Variants in DMRTA2 observed in about 807,000 individuals in gnomAD.
DMRTA2 encodes the protein doublesex- and mab-3-related transcription factor A2.
DMRTA2 carries 10 observed loss-of-function variants against 29.7 expected under a neutral mutation model. The ratio of observed to expected loss-of-function variants is 0.34; its 90% confidence interval spans 0.21 to 0.57. The LOEUF (loss-of-function observed/expected upper bound fraction) is 0.57. Among genes scored for constraint, DMRTA2 ranks in the 20% least tolerant of loss-of-function variants. The probability of loss-of-function intolerance (pLI) is 0.87; values close to 1 mark genes in which losing one functional copy is unlikely to be tolerated. For missense variants in DMRTA2, 783 were observed against 812.1 expected, an observed-to-expected ratio of 0.96 and a Z score of 0.44; for synonymous variants, 469 against 402.6, an observed-to-expected ratio of 1.16 and a Z score of -1.97.
chr1:50,421,242 A>G lies in DMRTA2; in HGVS notation c.295T>C (p.Cys99Arg). The G allele has an allele frequency of 6.5e-7, 1 of 1,536,540 alleles. No homozygotes were observed. Among genetic ancestry groups the G allele is most frequent in the Non-Finnish European group, 8.8e-7 (1 of 1,140,954 alleles). The change falls in exon 2 of 3, where the codon TGC becomes CGC. Residue 99 changes from cysteine (C) to arginine (R), a missense_variant. By Grantham distance (180) the Cys-to-Arg change is radical. Coordinates refer to ENST00000404795, the MANE Select transcript of DMRTA2 (RefSeq NM_032110.3). The surrounding 1 kb of genome is among the most constrained non-coding windows in gnomAD (Gnocchi z 8.7). ...CGCTGGCGCTCCGCGATGAGCGTGC[A>G]CTTGGCGCACAGGCAGTCCTTCCAG... is the stretch of plus-strand genomic sequence containing the variant. The part of the protein sequence containing the change: ...CRWKDCLCAK[C>R]TLIAERQRVM...
Position 50,419,222 on chromosome 1 carries a change from G to A in DMRTA2, c.1072C>T (p.Leu358=). ...GCCGCAGGGCCCAGGCCGGCCGCCA[G>A]GCCCCCACGGTGGTGGTTCAGCACC... is the stretch of plus-strand genomic sequence containing the variant. ...EQVLNHHRGG[L]AAGLGPAAPP... The change falls in exon 3 of 3, where the codon CTG becomes TTG. Residue 358 remains leucine (L), a synonymous_variant. Coordinates refer to ENST00000404795, the MANE Select transcript of DMRTA2 (RefSeq NM_032110.3). The surrounding 1 kb of genome is among the most constrained non-coding windows in gnomAD (Gnocchi z 6.1). 6.8e-7 allele frequency: 1 copy of A among 1,470,396 alleles called. No individual in the cohort carries two copies. The highest frequency in any genetic ancestry group is 1.5e-5 in the African/African-American group (1 of 68,320). The allele number at this position is 1,470,396 out of a possible 1,614,324, so 91.1% of individuals were successfully genotyped here. A position where few individuals can be genotyped will look rare whatever the true frequency, so the allele number is the denominator to read the frequency against.
In DMRTA2 at chr1:50,418,979, A is replaced by T; in HGVS notation, c.1315T>A (p.Ser439Thr). 1 of 1,435,850 alleles carries T rather than the reference A, an allele frequency of 7.0e-7. No individual in the cohort carries two copies. The highest frequency in any genetic ancestry group is 1.4e-5 in the South Asian group (1 of 71,026). 88.9% of individuals were successfully genotyped at this position (1,435,850 alleles called of 1,614,324 possible). Residue 439 changes from serine (S) to threonine (T), a missense_variant, in exon 3 of 3, where the codon TCG (serine) becomes ACG (threonine). Ser to Thr is a moderately conservative substitution (Grantham distance 58, BLOSUM62 1). Around this residue, in one of 3 missense-constraint regions of DMRTA2, gnomAD observed 667 missense variants for 624.8 expected, o/e 1.07. Transcript: ENST00000404795. ...LGSLSSRSAF[S>T]PLQPNASHFG... ...TGACTGGCGTTGGGCTGCAGCGGCG[A>T]GAAGGCCGAGCGGCTGCTCAGCGAG...
Position 50,421,051 on chromosome 1 carries a change from G to A in DMRTA2, c.486C>T (p.Ala162=), listed in dbSNP as rs1646034225. ...PAYEVFGSVC[A]ADGGGPGAGA... The stretch of plus-strand genomic sequence containing the variant: ...CCGCTCCAGGTCCCCCGCCGTCGGC[G>A]GCGCACACTGAACCGAAGACCTCGT... The change falls in exon 2 of 3, where the codon GCC becomes GCT. Residue 162 remains alanine, a synonymous_variant. Transcript: ENST00000404795. The surrounding 1 kb of genome is among the most constrained non-coding windows in gnomAD (Gnocchi z 8.7). 2 of 1,512,696 alleles carry A rather than the reference G, an allele frequency of 1.3e-6. No individual in the cohort carries two copies. The highest frequency in any genetic ancestry group is 1.4e-5 in the African/African-American group (1 of 69,330). 93.7% of individuals were successfully genotyped at this position (1,512,696 alleles called of 1,614,324 possible).
Position 50,418,987 on chromosome 1 carries a change from G to A in DMRTA2, c.1307C>T (p.Ser436Leu). 7.0e-7 allele frequency: 1 copy of A among 1,428,802 alleles called. No homozygotes were observed. The highest frequency in any genetic ancestry group is 9.1e-7 in the Non-Finnish European group (1 of 1,096,860). The allele number at this position is 1,428,802 out of a possible 1,614,324, so 88.5% of individuals were successfully genotyped here. Reference sequence around the variant, plus strand: ...GTTGGGCTGCAGCGGCGAGAAGGCCGAGCGGCTGCTCAGCGAGCCCAGCGC... The same window carrying A: ...GTTGGGCTGCAGCGGCGAGAAGGCCAAGCGGCTGCTCAGCGAGCCCAGCGC... Reference protein sequence around the residue: ...PGALGSLSSRSAFSPLQPNAS... With the variant: ...PGALGSLSSRLAFSPLQPNAS... The change falls in exon 3 of 3, where the codon TCG (serine) becomes TTG (leucine). Residue 436 changes from serine to leucine, a missense_variant. Physicochemically the swap from Ser to Leu is moderately radical, Grantham distance 145. Coordinates refer to ENST00000404795, the MANE Select transcript of DMRTA2 (RefSeq NM_032110.3).
chr1:50,422,206 A>G lies in DMRTA2; in HGVS notation c.-8-662T>C, dbSNP rs1646043671. Reference sequence around the variant, plus strand: ...TAGGAAGCAGAGTGAGGACGAGGAAACAACTTGGGCAAAGTTAGGCCCAGT... The same window carrying G: ...TAGGAAGCAGAGTGAGGACGAGGAAGCAACTTGGGCAAAGTTAGGCCCAGT... On this transcript the variant is annotated intron_variant, in intron 1 of 2. Transcript: ENST00000404795. The surrounding 1 kb of genome is among the most constrained non-coding windows in gnomAD (Gnocchi z 5.7). 6.6e-6 allele frequency among the ~76,000 whole-genome samples: 1 copy of G among 152,226 alleles called. No individual in the cohort carries two copies.
In DMRTA2 at chr1:50,421,553, AAAG is replaced by A. The variant is rs1646038967; in HGVS notation, c.-8-12_-8-10del. 3 of 1,242,694 alleles carry A rather than the reference AAAG, an allele frequency of 2.4e-6. No individual in the cohort carries two copies. The East Asian group carries it at 9.6e-5, about 40-fold the overall frequency. 77.0% of individuals were successfully genotyped at this position (1,242,694 alleles called of 1,614,324 possible). ...CAGCTCCATGACAGGACCTGACGGG[AAAG>A]AAGGTGGGAGAGGGGAGAGACCTGG... On this transcript the variant is annotated splice_polypyrimidine_tract_variant and intron_variant, in intron 1 of 2. Coordinates refer to ENST00000404795, the MANE Select transcript of DMRTA2 (RefSeq NM_032110.3). The surrounding 1 kb of genome is among the most constrained non-coding windows in gnomAD (Gnocchi z 8.7).
chr1:50,422,069 C>A lies in DMRTA2; in HGVS notation c.-8-525G>T, dbSNP rs550785986. Among the ~76,000 whole-genome samples the A allele has an allele frequency of 1.1e-4, 16 of 152,278 alleles. No homozygotes were observed. The highest frequency in any genetic ancestry group is 3.6e-4 in the African/African-American group (15 of 41,554). Reference sequence around the variant, plus strand: ...TGAAGAGGAGAGAGATGTGAAGGCGCAGATGTGAAGGCCGGTTGGGCCGGA... The same window carrying A: ...TGAAGAGGAGAGAGATGTGAAGGCGAAGATGTGAAGGCCGGTTGGGCCGGA... On this transcript the variant is annotated intron_variant, in intron 1 of 2. Coordinates refer to ENST00000404795, the MANE Select transcript of DMRTA2 (RefSeq NM_032110.3). The surrounding 1 kb of genome is among the most constrained non-coding windows in gnomAD (Gnocchi z 5.7).
Position 50,422,260 on chromosome 1 carries a change from C to T in DMRTA2, c.-8-716G>A, listed in dbSNP as rs1281742763. Among the ~76,000 whole-genome samples the T allele has an allele frequency of 6.6e-6, 1 of 152,062 alleles. No individual in the cohort carries two copies. The highest frequency in any genetic ancestry group is 6.6e-5 in the Admixed American group (1 of 15,262). On this transcript the variant is annotated intron_variant, in intron 1 of 2. Transcript: ENST00000404795. The surrounding 1 kb of genome is among the most constrained non-coding windows in gnomAD (Gnocchi z 5.7). ...TCTGGGACCCGTAAAAATGTGAGCG[C>T]CAAAAGTTCCACGGTGAGGGCCTCC...
Position 50,419,371 on chromosome 1 carries a change from C to A in DMRTA2, c.923G>T (p.Gly308Val). 6.3e-7 allele frequency: 1 copy of A among 1,596,824 alleles called. No homozygotes were observed. The highest frequency in any genetic ancestry group is 8.5e-7 in the Non-Finnish European group (1 of 1,179,028). The change falls in exon 3 of 3, where the codon GGC becomes GTC. Residue 308 changes from glycine (G) to valine (V), a missense_variant. Transcript: ENST00000404795. This position sits in a 1 kb window ranked among gnomAD's most constrained non-coding sequence, Gnocchi z 6.1. ...EAAPAPGLGG[G>V]SGPRQRTPLD... ...CGGCGTCCGCTGCCGTGGACCCGAG[C>A]CTCCGCCCAGCCCTGGCGCCGGCGC...
rs1646015259 is a variant in DMRTA2 at position 50,419,133 on chromosome 1, G to A, written c.1161C>T (p.Val387=). Residue 387 remains valine, a synonymous_variant, in exon 3 of 3, where the codon GTC becomes GTT. Coordinates refer to ENST00000404795, the MANE Select transcript of DMRTA2 (RefSeq NM_032110.3). The surrounding 1 kb of genome is among the most constrained non-coding windows in gnomAD (Gnocchi z 6.1). ...AAADDAWPSR[V]DAAAAAAAAA... is the part of the protein sequence containing the mutation. ...CGGCGGCGGCGGCGGCGGCGGCGTC[G>A]ACGCGGCTGGGCCACGCGTCGTCTG... 1.6e-6 allele frequency: 2 copies of A among 1,213,704 alleles called. No homozygotes were observed. Among genetic ancestry groups the A allele is most frequent in the Non-Finnish European group, 1.0e-6 (1 of 980,212 alleles). The allele number at this position is 1,213,704 out of a possible 1,614,324, so 75.2% of individuals were successfully genotyped here.
Position 50,418,978 on chromosome 1 carries a change from G to A in DMRTA2, c.1316C>T (p.Ser439Leu). The stretch of plus-strand genomic sequence containing the variant: ...GTGACTGGCGTTGGGCTGCAGCGGC[G>A]AGAAGGCCGAGCGGCTGCTCAGCGA... ...LGSLSSRSAF[S>L]PLQPNASHFG... The change falls in exon 3 of 3, where the codon TCG becomes TTG. Residue 439 changes from serine (S) to leucine (L), a missense_variant. Ser to Leu is a moderately radical substitution (Grantham distance 145, BLOSUM62 -2). Around this residue, in one of 3 missense-constraint regions of DMRTA2, gnomAD observed 667 missense variants for 624.8 expected, o/e 1.07. Transcript: ENST00000404795. 1 of 1,436,054 alleles carries A rather than the reference G, an allele frequency of 7.0e-7. No individual in the cohort carries two copies. Among genetic ancestry groups the A allele is most frequent in the Non-Finnish European group, 9.1e-7 (1 of 1,100,530 alleles). The allele number at this position is 1,436,054 out of a possible 1,614,324, so 89.0% of individuals were successfully genotyped here.
rs764241018 is a variant in DMRTA2, at chr1:50,419,608, G to A, written c.686C>T (p.Ser229Leu). Residue 229 changes from serine (S) to leucine (L), a missense_variant, in exon 3 of 3, where the codon TCG becomes TTG. Physicochemically the swap from Ser to Leu is moderately radical, Grantham distance 145. This residue lies in a region of DMRTA2 where 667 missense variants were observed against 624.8 expected (regional missense o/e 1.07). Coordinates refer to ENST00000404795, the MANE Select transcript of DMRTA2 (RefSeq NM_032110.3). This position sits in a 1 kb window ranked among gnomAD's most constrained non-coding sequence, Gnocchi z 6.1. ...PDGADSGPGT[S>L]SPEVRPGSGS... ...TGAGCCGGGCCGCACCTCTGGGGAC[G>A]ACGTCCCGGGCCCCGAGTCTGCGCC... is the stretch of plus-strand genomic sequence containing the variant. The A allele has an allele frequency of 2.6e-6, 4 of 1,535,618 alleles. No homozygotes were observed. The East Asian group carries it at 7.3e-5, about 28-fold the overall frequency.
At position 50,418,759 on chromosome 1, in the gene DMRTA2, C is replaced by G; in HGVS notation, c.1535G>C (p.Arg512Pro). ...DYAFSDLMRDRSAAAAAAVHK... is the reference protein window; with the variant it reads ...DYAFSDLMRDPSAAAAAAVHK... ...CACCGCCGCAGCAGCGGCGGCCGAG[C>G]GGTCACGCATGAGATCGCTAAAGGC... Residue 512 changes from arginine (R) to proline (P), a missense_variant, in exon 3 of 3, where the codon CGC (arginine) becomes CCC (proline). Arg to Pro is a moderately radical substitution (Grantham distance 103). Coordinates refer to ENST00000404795, the MANE Select transcript of DMRTA2 (RefSeq NM_032110.3). The G allele has an allele frequency of 6.3e-7, 1 of 1,575,520 alleles. No homozygotes were observed. Among genetic ancestry groups the G allele is most frequent in the Non-Finnish European group, 8.6e-7 (1 of 1,164,468 alleles).
chr1:50,419,164 G>C lies in DMRTA2; in HGVS notation c.1130C>G (p.Ala377Gly). The C allele has an allele frequency of 7.8e-7, 1 of 1,275,950 alleles. No homozygotes were observed. The highest frequency in any genetic ancestry group is 9.8e-7 in the Non-Finnish European group (1 of 1,015,950). The allele number at this position is 1,275,950 out of a possible 1,614,324, so 79.0% of individuals were successfully genotyped here. A position where few individuals can be genotyped will look rare whatever the true frequency, so the allele number is the denominator to read the frequency against. ...GCTGGGCCACGCGTCGTCTGCAGCT[G>C]CTGCAGCACCCACGGCGGCCTTATC... is the stretch of plus-strand genomic sequence containing the variant. ...PPDKAAVGAA[A>G]AADDAWPSRV... The change falls in exon 3 of 3, where the codon GCA (alanine) becomes GGA (glycine). Residue 377 changes from alanine to glycine, a missense_variant. By Grantham distance (60) the Ala-to-Gly change is moderately conservative (BLOSUM62 0). Coordinates refer to ENST00000404795, the MANE Select transcript of DMRTA2 (RefSeq NM_032110.3). This position sits in a 1 kb window ranked among gnomAD's most constrained non-coding sequence, Gnocchi z 6.1.
rs1646053871 is a variant in DMRTA2 at position 50,423,422 on chromosome 1, C to G, written c.-315G>C. ...CTGCGCGCAGCCGGGGCCCAGTTGCCCGGCGCTGCCAGACTCTCAATGAGC... is the reference window on the plus strand; with the variant it reads ...CTGCGCGCAGCCGGGGCCCAGTTGCGCGGCGCTGCCAGACTCTCAATGAGC... On this transcript the variant is annotated 5_prime_UTR_variant, in exon 1 of 3. Coordinates refer to ENST00000404795, the MANE Select transcript of DMRTA2 (RefSeq NM_032110.3). 1 of 152,228 alleles carries G rather than the reference C, an allele frequency of 6.6e-6. No homozygotes were observed. The highest frequency in any genetic ancestry group is 1.5e-5 in the Non-Finnish European group (1 of 68,042). 9.4% of individuals were successfully genotyped at this position (152,228 alleles called of 1,614,324 possible).
rs1348513584 is a variant in DMRTA2, at chr1:50,418,422, A to G, written c.*243T>C. The G allele has an allele frequency of 1.1e-5, 4 of 372,058 alleles. No homozygotes were observed. Among genetic ancestry groups the G allele is most frequent in the Non-Finnish European group, 1.4e-5 (3 of 209,762 alleles). 23.0% of individuals were successfully genotyped at this position (372,058 alleles called of 1,614,324 possible). A position where few individuals can be genotyped will look rare whatever the true frequency, so the allele number is the denominator to read the frequency against. Reference sequence around the variant, plus strand: ...GGGTGAGGCTGGAAGAGGGATCCGGAGGTAGGAGATGAGGACCCAGGCCGC... The same window carrying G: ...GGGTGAGGCTGGAAGAGGGATCCGGGGGTAGGAGATGAGGACCCAGGCCGC... On this transcript the variant is annotated 3_prime_UTR_variant, in exon 3 of 3. Coordinates refer to ENST00000404795, the MANE Select transcript of DMRTA2 (RefSeq NM_032110.3).
At position 50,418,865 on chromosome 1, in the gene DMRTA2, T is replaced by A. The variant is rs754709446; in HGVS notation, c.1429A>T (p.Ser477Cys). ...RLAYSAAAAH[S>C]RGLAFMAPYS... The stretch of plus-strand genomic sequence containing the variant: ...GGCGCCATGAAGGCCAGACCGCGGC[T>A]GTGCGCCGCCGCCGCGGAGTAGGCC... Residue 477 changes from serine (S) to cysteine (C), a missense_variant, in exon 3 of 3, where the codon AGC (serine) becomes TGC (cysteine). Transcript: ENST00000404795. 6.5e-7 allele frequency: 1 copy of A among 1,537,620 alleles called. No homozygotes were observed. Among genetic ancestry groups the A allele is most frequent in the Non-Finnish European group, 8.7e-7 (1 of 1,148,700 alleles).
In DMRTA2 at chr1:50,421,303, C is replaced by T. The variant is rs2148965805; in HGVS notation, c.234G>A (p.Val78=). 6.5e-7 allele frequency: 1 copy of T among 1,532,154 alleles called. No individual in the cohort carries two copies. The highest frequency in any genetic ancestry group is 1.4e-5 in the African/African-American group (1 of 69,994). 94.9% of individuals were successfully genotyped at this position (1,532,154 alleles called of 1,614,324 possible). A position where few individuals can be genotyped will look rare whatever the true frequency, so the allele number is the denominator to read the frequency against. ...GTTTGTGGCCCTTGAGGGCCGACAC[C>T]ACGCCATGGTTGCGACAGCGCGCGC... is the stretch of plus-strand genomic sequence containing the variant. ...PKCARCRNHG[V]VSALKGHKRY... is the part of the protein sequence containing the mutation. The change falls in exon 2 of 3, where the codon GTG becomes GTA. Residue 78 remains valine (V), a synonymous_variant. Transcript: ENST00000404795. This position sits in a 1 kb window ranked among gnomAD's most constrained non-coding sequence, Gnocchi z 8.7.
rs1036705569 is a variant in DMRTA2, at chr1:50,420,838, C to T, written c.559+140G>A. The T allele has an allele frequency of 2.3e-6, 3 of 1,294,340 alleles. No individual in the cohort carries two copies. The East Asian group carries it at 9.3e-5, about 40-fold the overall frequency. The allele number at this position is 1,294,340 out of a possible 1,614,324, so 80.2% of individuals were successfully genotyped here. ...CTGTACCCACGCTCCATACCCGAGG[C>T]TGGGCGAGCGGTGAACCCTAGCAGT... On this transcript the variant is annotated intron_variant, in intron 2 of 2. Transcript: ENST00000404795. The surrounding 1 kb of genome is among the most constrained non-coding windows in gnomAD (Gnocchi z 4.1).
Sources: allele counts gnomAD v4.1 joint callset (sites outside exome capture counted in the v4.1 genomes callset), GRCh38; gene constraint gnomAD v4.1.1; regional missense constraint gnomAD v4.1.1; non-coding constraint Gnocchi (gnomAD v3.1); transcripts MANE v1.5; gene names NCBI Gene and HGNC (gene_info 2026-07-23, HGNC 2026-07-21).